ALG14: variants seen among roughly 807,000 people sequenced by gnomAD.
The protein encoded by ALG14 is UDP-N-acetylglucosamine transferase subunit ALG14.
In ALG14, 17 loss-of-function variants were observed where a neutral mutation model predicts 22.8. That is an observed-to-expected ratio of 0.75 (90% CI 0.51 to 1.12). The LOEUF is 1.12. Among genes scored for constraint, ALG14 ranks in the 50% most tolerant of loss-of-function variants. The probability of loss-of-function intolerance (pLI) is 0.00; values close to 1 mark genes in which losing one functional copy is unlikely to be tolerated. For synonymous variants in ALG14, 89 were observed against 103.7 expected, an observed-to-expected ratio of 0.86 and a Z score of 0.86; for missense variants, 288 against 271.8, an observed-to-expected ratio of 1.06 and a Z score of -0.42.
At chr1:95,012,883 A>G (rs957417179) in intron 3 of ALG14, among the ~76,000 whole-genome samples, 3 of 152,188 alleles carry the variant, frequency 2.0e-5, no homozygotes, top group Non-Finnish European at 2.9e-5. Context: ...CTGTAATCAC[A>G]GCACTTTGGG....
At position 94,975,855 on chromosome 1, in the gene ALG14, A is replaced by C. The variant is rs1405583692; in HGVS notation, c.*7221T>G. 6.6e-6 allele frequency: 1 copy of C among 151,646 alleles called. No individual in the cohort carries two copies. The highest frequency in any genetic ancestry group is 1.9e-4 in the East Asian group (1 of 5,170). The allele number at this position is 151,646 out of a possible 1,614,324, so 9.4% of individuals were successfully genotyped here. ...CTCTACTAAAAATACAAAAAAAACA[A>C]ACAAAAAAAAAATTAGCCGGGCGTG... On this transcript the variant is annotated 3_prime_UTR_variant, in exon 4 of 4. Transcript: ENST00000370205.
At chr1:95,056,256 TGGGCTGG>T (rs1001711115) in intron 2 of ALG14, among the ~76,000 whole-genome samples, 2 of 152,234 alleles carry the variant, frequency 1.3e-5, no homozygotes, top group African/African-American at 2.4e-5. Context: ...TAAATGGTGC[TGGGCTGG>T]GCCCCTATTT....
intron 2 of ALG14, among the ~76,000 whole-genome samples, chr1:95,062,746 G>C (rs560617367): frequency 1.6e-4 from 25 of 152,272 alleles, no homozygotes; most frequent in African/African-American, 2.6e-4. Flanking sequence ...TGTGAATAGT[G>C]CTGCAGTGAA....
chr1:95,021,212 C>CTCCTTT (rs1673652255), intron 3 of ALG14, among the ~76,000 whole-genome samples: 1 of 152,186 alleles, frequency 6.6e-6, no homozygotes, highest in African/African-American at 2.4e-5. Context: ...TCTCTGACTT[C>CTCCTTT]TCCTTTCCTA....
chr1:95,014,674 A>G (rs1673453864), intron 3 of ALG14, among the ~76,000 whole-genome samples: 1 of 152,236 alleles, frequency 6.6e-6, no homozygotes, highest in Admixed American at 6.5e-5. Context: ...ATGTAAACTT[A>G]TAATTACAAT....
At position 95,072,816 on chromosome 1, in the gene ALG14, G is replaced by T. The variant is rs201827828; in HGVS notation, c.83C>A (p.Ser28Tyr). Residue 28 changes from serine (S) to tyrosine (Y), a missense_variant, in exon 1 of 4, where the codon TCC becomes TAC. By Grantham distance (144) the Ser-to-Tyr change is moderately radical. Transcript: ENST00000370205. ...LILRIWVVLR[S>Y]MDVTPRESLS... Reference sequence around the variant, plus strand: ...AGACTCCCGGGGCGTAACGTCCATGGAACGAAGCACTACCCATATTCGCAG... The same window carrying T: ...AGACTCCCGGGGCGTAACGTCCATGTAACGAAGCACTACCCATATTCGCAG... The T allele has an allele frequency of 3.5e-5, 57 of 1,614,150 alleles. No individual in the cohort carries two copies. In the Admixed American group the frequency reaches 6.0e-4, roughly 17 times the overall value.
At position 94,995,640 on chromosome 1, in the gene ALG14, C is replaced by T. The variant is rs1021448612; in HGVS notation, c.421-12334G>A. On this transcript the variant is annotated intron_variant, in intron 3 of 3. Coordinates refer to ENST00000370205, the MANE Select transcript of ALG14 (RefSeq NM_144988.4). The stretch of plus-strand genomic sequence containing the variant: ...AGGCAAGACAACTGCTTGGACCTGG[C>T]GGGGCAGAGGATGCAGTGAGCTGAG... Among the ~76,000 whole-genome samples, 6 of 152,100 alleles carry T rather than the reference C, an allele frequency of 3.9e-5. No individual in the cohort carries two copies. The East Asian group carries it at 9.7e-4, about 24-fold the overall frequency.
intron 2 of ALG14, among the ~76,000 whole-genome samples, chr1:95,038,745 G>T (rs2100792450): frequency 6.8e-6 from 1 of 147,206 alleles, no homozygotes; most frequent in African/African-American, 2.5e-5. Flanking sequence ...TTGAGACAGG[G>T]TCTCCCTCTC....
At chr1:95,041,582 C>A (rs1674380195) in intron 2 of ALG14, 1 of 150,348 alleles carries the variant, frequency 6.7e-6, no homozygotes, top group African/African-American at 2.5e-5. Context: ...ACCACTGCAC[C>A]CCAGCCTGGG....
At chr1:95,058,489 T>C (rs1675016512) in intron 2 of ALG14, among the ~76,000 whole-genome samples, 1 of 150,662 alleles carries the variant, frequency 6.6e-6, no homozygotes, top group African/African-American at 2.4e-5. Flanking sequence ...CCGTGGCACA[T>C]GCCTGTAATC....
At chr1:95,026,100 T>C (rs1033495222) in intron 3 of ALG14, among the ~76,000 whole-genome samples, 4 of 151,976 alleles carry the variant, frequency 2.6e-5, no homozygotes, top group Non-Finnish European at 5.9e-5. Flanking sequence ...GGCCGGCAAA[T>C]CTTTTGTATT....
At chr1:95,003,859 G>A (rs1261415894) in intron 3 of ALG14, among the ~76,000 whole-genome samples, 1 of 152,048 alleles carries the variant, frequency 6.6e-6, no homozygotes, top group East Asian at 1.9e-4. Context: ...GACAAAATTA[G>A]CTATAATTTC....
At chr1:95,019,277 GAAT>G (rs1673589157) in intron 3 of ALG14, among the ~76,000 whole-genome samples, 1 of 152,126 alleles carries the variant, frequency 6.6e-6, no homozygotes, top group African/African-American at 2.4e-5. Flanking sequence ...TTTCTTAAAA[GAAT>G]TATCAGTCAC....
intron 3 of ALG14, among the ~76,000 whole-genome samples, chr1:95,016,942 GGT>G (rs55962309): frequency 0.16 from 20,625 of 128,930 alleles, 1,423 homozygotes; most frequent in Middle Eastern, 0.24. Context: ...TTGCAAAAGG[GGT>G]GTGTGTGTGT....
At position 94,976,332 on chromosome 1, in the gene ALG14, GTTATTA is replaced by G. The variant is rs1056761901; in HGVS notation, c.*6738_*6743del. On this transcript the variant is annotated 3_prime_UTR_variant, in exon 4 of 4. Transcript: ENST00000370205. ...AGGAGTTTGGTGGCCCAAGTGAAAG[GTTATTA>G]TTATTATTTTTTCAAAACAAAACAA... The G allele has an allele frequency of 2.0e-4, 30 of 152,136 alleles. No individual in the cohort carries two copies. The highest frequency in any genetic ancestry group is 6.3e-4 in the African/African-American group (26 of 41,438). 9.4% of individuals were successfully genotyped at this position (152,136 alleles called of 1,614,324 possible). A position where few individuals can be genotyped will look rare whatever the true frequency, so the allele number is the denominator to read the frequency against.
rs369135795 is a variant in ALG14, at chr1:95,027,355, C to A, written c.289-95G>T. ...ACAGCTGTAGAAACAGAAATGCTTT[C>A]TTTAATTTAAATTTTCATTCTAACC... On this transcript the variant is annotated intron_variant, in intron 2 of 3. Transcript: ENST00000370205. The A allele has an allele frequency of 4.0e-4, 573 of 1,436,106 alleles. 4 individuals are homozygous for A. In the South Asian group the frequency reaches 6.9e-3, roughly 17 times the overall value. 89.0% of individuals were successfully genotyped at this position (1,436,106 alleles called of 1,614,324 possible). A position where few individuals can be genotyped will look rare whatever the true frequency, so the allele number is the denominator to read the frequency against.
rs1174194978 is a variant in ALG14 at position 94,980,713 on chromosome 1, T to G, written c.*2363A>C. ...CATGCACTTGTTTACCAGAGTAATCTGAATGATCAGGAAGATGCAATAACA... is the reference window on the plus strand; with the variant it reads ...CATGCACTTGTTTACCAGAGTAATCGGAATGATCAGGAAGATGCAATAACA... On this transcript the variant is annotated 3_prime_UTR_variant, in exon 4 of 4. Transcript: ENST00000370205. 1 of 152,220 alleles carries G rather than the reference T, an allele frequency of 6.6e-6. No individual in the cohort carries two copies. Among genetic ancestry groups the G allele is most frequent in the Non-Finnish European group, 1.5e-5 (1 of 68,050 alleles). 9.4% of individuals were successfully genotyped at this position (152,220 alleles called of 1,614,324 possible). A position where few individuals can be genotyped will look rare whatever the true frequency, so the allele number is the denominator to read the frequency against.
rs181295091 is a variant in ALG14 at position 95,059,254 on chromosome 1, G to T, written c.288+5612C>A. The stretch of plus-strand genomic sequence containing the variant: ...TCTACTAAAAATACAAAAATTAGTT[G>T]GGCGTGGTGGCGGGCACCTGTAATC... On this transcript the variant is annotated intron_variant, in intron 2 of 3. Coordinates refer to ENST00000370205, the MANE Select transcript of ALG14 (RefSeq NM_144988.4). Among the ~76,000 whole-genome samples the T allele has an allele frequency of 3.5e-3, 526 of 151,700 alleles. 4 individuals are homozygous for T. Among genetic ancestry groups the T allele is most frequent in the African/African-American group, 0.012 (500 of 41,468 alleles).
chr1:95,066,126 C>T (rs1675352609), intron 1 of ALG14, among the ~76,000 whole-genome samples: 1 of 152,148 alleles, frequency 6.6e-6, no homozygotes, highest in Admixed American at 6.5e-5. Flanking sequence ...TTCCTCCACC[C>T]CACCTCCCTT....
Sources: allele counts gnomAD v4.1 joint callset (sites outside exome capture counted in the v4.1 genomes callset), GRCh38; gene constraint gnomAD v4.1.1; transcripts MANE v1.5; gene names NCBI Gene and HGNC (gene_info 2026-07-23, HGNC 2026-07-21).